Variants in NMNAT2 observed in about 807,000 individuals in gnomAD.
NMNAT2 encodes the protein nicotinamide nucleotide adenylyltransferase 2.
NMNAT2 carries 11 observed loss-of-function variants against 41.6 expected under a neutral mutation model. That is an observed-to-expected ratio of 0.26 (90% CI 0.17 to 0.44). NMNAT2 has a LOEUF of 0.44. Ranked by LOEUF, NMNAT2 falls within the 20% of genes least tolerant of loss-of-function variation. The pLI, the probability that NMNAT2 is intolerant of heterozygous loss-of-function variation, is 1.00. For missense variants in NMNAT2, 288 were observed against 407.7 expected (o/e 0.71, Z 2.53); for synonymous variants, 148 against 151.2 (o/e 0.98, Z 0.16).
At chr1:183,355,507 G>A (rs980932391) in intron 1 of NMNAT2, among the ~76,000 whole-genome samples, 10 of 152,342 alleles carry the variant, frequency 6.6e-5, no homozygotes, top group African/African-American at 2.4e-4. Context: ...CAAGGCCCAT[G>A]TTGCTATTCC....
intron 1 of NMNAT2, among the ~76,000 whole-genome samples, chr1:183,324,100 G>A (rs1428914368): frequency 6.6e-6 from 1 of 152,194 alleles, no homozygotes; most frequent in Non-Finnish European, 1.5e-5. Flanking sequence ...TAACTGAGAT[G>A]AAGGCAGATA....
chr1:183,305,879 C>T (rs1310900672), intron 1 of NMNAT2, among the ~76,000 whole-genome samples: 4 of 152,114 alleles, frequency 2.6e-5, no homozygotes, highest in Admixed American at 2.6e-4. Context: ...CGCCACCATA[C>T]CCGGCCAATT....
At position 183,377,560 on chromosome 1, in the gene NMNAT2, T is replaced by A. The variant is rs535314079; in HGVS notation, c.85+40623A>T. Among the ~76,000 whole-genome samples the A allele has an allele frequency of 9.2e-5, 14 of 152,332 alleles. No individual in the cohort carries two copies. The South Asian group carries it at 2.9e-3, about 32-fold the overall frequency. ...TGGTGCACTAAGGGTAACAGCAACATAGACTTCAAACCCAGTCCAACCTCT... is the reference window on the plus strand; with the variant it reads ...TGGTGCACTAAGGGTAACAGCAACAAAGACTTCAAACCCAGTCCAACCTCT... On this transcript the variant is annotated intron_variant, in intron 1 of 10. Coordinates refer to ENST00000287713, the MANE Select transcript of NMNAT2 (RefSeq NM_015039.4).
At chr1:183,388,441 G>A (rs955702294) in intron 1 of NMNAT2, among the ~76,000 whole-genome samples, 1 of 152,230 alleles carries the variant, frequency 6.6e-6, no homozygotes, top group African/African-American at 2.4e-5. Flanking sequence ...TCATGGCATT[G>A]TAGGTAACTC....
At chr1:183,354,900 T>A (rs762770044) in intron 1 of NMNAT2, among the ~76,000 whole-genome samples, 4 of 152,196 alleles carry the variant, frequency 2.6e-5, no homozygotes, top group Non-Finnish European at 5.9e-5. Flanking sequence ...CCATTTTTGC[T>A]TCTCTCCAAC....
intron 1 of NMNAT2, among the ~76,000 whole-genome samples, chr1:183,409,588 AT>A (rs1261238032): frequency 1.3e-5 from 2 of 152,160 alleles, no homozygotes. Context: ...AAGTGCTGAG[AT>A]TACAGGTGTG....
intron 1 of NMNAT2, among the ~76,000 whole-genome samples, chr1:183,329,022 A>T (rs1489209065): frequency 6.6e-6 from 1 of 152,158 alleles, no homozygotes; most frequent in East Asian, 1.9e-4. Flanking sequence ...GTCGGTAGAA[A>T]TAGCAAACAA....
At chr1:183,361,098 T>C (rs958179019) in intron 1 of NMNAT2, among the ~76,000 whole-genome samples, 7 of 152,200 alleles carry the variant, frequency 4.6e-5, no homozygotes, top group East Asian at 1.9e-4. Context: ...TTTCTGCACA[T>C]TGGATGTTCA....
intron 1 of NMNAT2, among the ~76,000 whole-genome samples, chr1:183,365,882 C>T (rs1312664031): frequency 2.0e-5 from 3 of 152,194 alleles, no homozygotes; most frequent in Non-Finnish European, 4.4e-5. Context: ...GGCAGGATGC[C>T]AGCATCACTC....
In NMNAT2 at chr1:183,346,925, C is replaced by CA. The variant is rs201924245; in HGVS notation, c.86-53133dup. On this transcript the variant is annotated intron_variant, in intron 1 of 10. Transcript: ENST00000287713. ...CACCCCTTTTCTTTCTATGACAAAG[C>CA]AAAAAAAAGAGCAAACACATAGAAA... Among the ~76,000 whole-genome samples, 495 of 151,726 alleles carry CA rather than the reference C, an allele frequency of 3.3e-3. 6 individuals are homozygous for CA. The highest frequency in any genetic ancestry group is 0.011 in the African/African-American group (456 of 41,398).
chr1:183,363,675 A>G (rs923255948), intron 1 of NMNAT2, among the ~76,000 whole-genome samples: 20 of 152,172 alleles, frequency 1.3e-4, no homozygotes, highest in African/African-American at 4.8e-4. Context: ...AATAGGAGGA[A>G]AGAGACAGTT....
intron 1 of NMNAT2, among the ~76,000 whole-genome samples, chr1:183,363,627 A>T (rs940919328): frequency 2.6e-5 from 4 of 152,122 alleles, no homozygotes; most frequent in Non-Finnish European, 5.9e-5. Context: ...TCAGCATAAG[A>T]TCATTTGGAT....
At position 183,286,690 on chromosome 1, in the gene NMNAT2, G is replaced by A. The variant is rs201393407; in HGVS notation, c.420C>T (p.Asn140=). The A allele has an allele frequency of 1.2e-6, 2 of 1,611,962 alleles. No individual in the cohort carries two copies. The highest frequency in any genetic ancestry group is 1.7e-6 in the Non-Finnish European group (2 of 1,179,102). ...CAGTGGGCTTGGTGGCCACGTTGCT[G>A]TTCTGGTAAATGGGCTGGGGGGTCT... ...QNETPQPIYQ[N]SNVATKPTAA... The change falls in exon 5 of 11, where the codon AAC becomes AAT. Residue 140 remains asparagine (N), a synonymous_variant. Coordinates refer to ENST00000287713, the MANE Select transcript of NMNAT2 (RefSeq NM_015039.4).
chr1:183,295,475 T>C (rs1661666098), intron 1 of NMNAT2, among the ~76,000 whole-genome samples: 1 of 152,228 alleles, frequency 6.6e-6, no homozygotes, highest in South Asian at 2.1e-4. Flanking sequence ...ATTATATTAA[T>C]AATTTTGCAC....
intron 1 of NMNAT2, among the ~76,000 whole-genome samples, chr1:183,390,696 C>T (rs890446160): frequency 1.3e-5 from 2 of 152,132 alleles, no homozygotes; most frequent in African/African-American, 2.4e-5. Flanking sequence ...AAGGATAGCA[C>T]ATTTGTCTAA....
At chr1:183,408,322 T>A (rs1320135802) in intron 1 of NMNAT2, among the ~76,000 whole-genome samples, 1 of 152,238 alleles carries the variant, frequency 6.6e-6, no homozygotes, top group Non-Finnish European at 1.5e-5. Flanking sequence ...CATACATGAA[T>A]GAGAGTGGCT....
chr1:183,368,702 A>T (rs529621180), intron 1 of NMNAT2, among the ~76,000 whole-genome samples: 3 of 152,244 alleles, frequency 2.0e-5, no homozygotes, highest in African/African-American at 7.2e-5. Flanking sequence ...ACACTCCATA[A>T]ATATTTGTTG....
At chr1:183,415,057 C>T (rs549439348) in intron 1 of NMNAT2, among the ~76,000 whole-genome samples, 3 of 152,168 alleles carry the variant, frequency 2.0e-5, no homozygotes, top group Non-Finnish European at 4.4e-5. Context: ...CATACTGCAA[C>T]CTCTGCCTCC....
chr1:183,303,806 A>T (rs917685985), intron 1 of NMNAT2, among the ~76,000 whole-genome samples: 1 of 152,242 alleles, frequency 6.6e-6, no homozygotes, highest in South Asian at 2.1e-4. Context: ...GTGGGACCAC[A>T]GGAGCCTACC....
Sources: gnomAD v4.1 joint callset for allele counts (sites outside exome capture counted in the v4.1 genomes callset) on GRCh38, gnomAD v4.1.1 for gene constraint, MANE v1.5 for transcripts, NCBI Gene and HGNC (gene_info 2026-07-23, HGNC 2026-07-21) for gene names.